The following PDE7B variants were observed in gnomAD, a reference collection of about 807,000 sequenced individuals.
PDE7B encodes the protein 3',5'-cyclic-AMP phosphodiesterase 7B.
PDE7B carries 29 observed loss-of-function variants against 56.2 expected under a neutral mutation model. The observed-to-expected ratio is 0.52, with a 90% CI of 0.38 to 0.70. The LOEUF (loss-of-function observed/expected upper bound fraction) is 0.70. PDE7B is among the 30% of genes least tolerant of loss of function. The pLI is 0.00. For missense variants in PDE7B, 490 were observed against 565.0 expected (o/e 0.87, Z 1.35); for synonymous variants, 197 against 196.9 (o/e 1.00, Z 0.00).
At chr6:136,115,543 A>G (rs1196362347) in intron 3 of PDE7B, among the ~76,000 whole-genome samples, 1 of 152,228 alleles carries the variant, frequency 6.6e-6, no homozygotes, top group Non-Finnish European at 1.5e-5. Context: ...ATGTCTGAGA[A>G]AAAACATATT....
At chr6:136,070,027 G>A (rs1177808557) in intron 2 of PDE7B, among the ~76,000 whole-genome samples, 1 of 151,768 alleles carries the variant, frequency 6.6e-6, no homozygotes, top group Non-Finnish European at 1.5e-5. Context: ...ATTCCCCCAA[G>A]AGTCAACTCT....
Position 136,140,286 on chromosome 6 carries a change from C to A in PDE7B, c.167-7065C>A, listed in dbSNP as rs574778986. On this transcript the variant is annotated intron_variant, in intron 3 of 12. Transcript: ENST00000308191. ...GTCAAAGACCAGAGAGTTGTAGATA[C>A]GCAGCATTATTTCTGAGGGCTCTGT... is the stretch of plus-strand genomic sequence containing the variant. Among the ~76,000 whole-genome samples the A allele has an allele frequency of 2.0e-5, 3 of 151,872 alleles. No individual in the cohort carries two copies. In the South Asian group the frequency reaches 6.2e-4, roughly 32 times the overall value.
At chr6:135,968,389 A>T (rs1711752956) in intron 2 of PDE7B, among the ~76,000 whole-genome samples, 1 of 152,142 alleles carries the variant, frequency 6.6e-6, no homozygotes, top group South Asian at 2.1e-4. Context: ...ATGAGAGAAA[A>T]TTTTTGCAAT....
chr6:135,923,508 T>C (rs1207754887), intron 1 of PDE7B, among the ~76,000 whole-genome samples: 1 of 152,144 alleles, frequency 6.6e-6, no homozygotes, highest in Non-Finnish European at 1.5e-5. Flanking sequence ...GGGAAACTGA[T>C]GGGTCATTCA....
Position 135,851,783 on chromosome 6 carries a change from T to G in PDE7B, c.-216T>G. The G allele has an allele frequency of 1.8e-5, 9 of 509,918 alleles. No individual in the cohort carries two copies. The highest frequency in any genetic ancestry group is 6.1e-5 in the South Asian group (2 of 33,002). The allele number at this position is 509,918 out of a possible 1,614,324, so 31.6% of individuals were successfully genotyped here. On this transcript the variant is annotated 5_prime_UTR_variant, in exon 1 of 13. Transcript: ENST00000308191. The stretch of plus-strand genomic sequence containing the variant: ...AGTGGTGTTACTCACCCAGGGAGAG[T>G]CTCTCTTTCTACCTTCCTTCTTTCT...
intron 2 of PDE7B, among the ~76,000 whole-genome samples, chr6:135,976,017 C>T (rs1775180060): frequency 6.6e-6 from 1 of 152,144 alleles, no homozygotes; most frequent in Admixed American, 6.5e-5. Flanking sequence ...AGTCTAGCCT[C>T]AGGGAACCCA....
chr6:136,083,787 C>T (rs1206193507), intron 2 of PDE7B, among the ~76,000 whole-genome samples: 4 of 152,136 alleles, frequency 2.6e-5, no homozygotes, highest in Non-Finnish European at 5.9e-5. Flanking sequence ...TTTGGGGCCT[C>T]CTCTCTCTGC....
At chr6:135,904,984 G>C (rs1442698050) in intron 1 of PDE7B, among the ~76,000 whole-genome samples, 1 of 152,118 alleles carries the variant, frequency 6.6e-6, no homozygotes, top group African/African-American at 2.4e-5. Flanking sequence ...CAGTTGCACA[G>C]GGTCCCATAC....
At chr6:136,172,626 C>T (rs1234534921) in intron 8 of PDE7B, among the ~76,000 whole-genome samples, 6 of 151,916 alleles carry the variant, frequency 3.9e-5, no homozygotes, top group Non-Finnish European at 5.9e-5. Context: ...TGTGCAGAAG[C>T]TCTTTAGTTT....
intron 3 of PDE7B, among the ~76,000 whole-genome samples, chr6:136,135,999 T>G (rs1455613531): frequency 1.3e-5 from 2 of 152,092 alleles, no homozygotes; most frequent in Non-Finnish European, 2.9e-5. Context: ...AAAATTATTT[T>G]TACAGGGCAA....
At chr6:136,146,731 C>T (rs1778418559) in intron 3 of PDE7B, among the ~76,000 whole-genome samples, 1 of 152,182 alleles carries the variant, frequency 6.6e-6, no homozygotes, top group African/African-American at 2.4e-5. Context: ...AATAACTGCT[C>T]ATTTCAAATG....
At chr6:136,141,474 G>A (rs1387783934) in intron 3 of PDE7B, among the ~76,000 whole-genome samples, 2 of 152,166 alleles carry the variant, frequency 1.3e-5, no homozygotes. Context: ...GATGATGCTG[G>A]CCTCATAAAA....
At chr6:135,853,693 G>C (rs1774975725) in intron 1 of PDE7B, among the ~76,000 whole-genome samples, 1 of 151,946 alleles carries the variant, frequency 6.6e-6, no homozygotes, top group Admixed American at 6.6e-5. Context: ...CAAAATCAGT[G>C]GTGACTATAT....
At chr6:136,098,132 C>CCG (rs1777498363) in intron 2 of PDE7B, 1 of 33,996 alleles carries the variant, frequency 2.9e-5, no homozygotes, top group South Asian at 1.8e-3. Context: ...TCTTTAGTTC[C>CCG]TGGGGGGGGG....
At chr6:136,178,687 T>A (rs780913059) in intron 9 of PDE7B, among the ~76,000 whole-genome samples, 2 of 152,240 alleles carry the variant, frequency 1.3e-5, no homozygotes, top group Non-Finnish European at 2.9e-5. Context: ...AAGTCTTTTG[T>A]GTCCTCCCTA....
chr6:136,005,740 C>G (rs1450733518), intron 2 of PDE7B, among the ~76,000 whole-genome samples: 2 of 152,142 alleles, frequency 1.3e-5, no homozygotes, highest in African/African-American at 4.8e-5. Context: ...AATAGGAACA[C>G]TTTTACACTG....
intron 1 of PDE7B, among the ~76,000 whole-genome samples, chr6:135,921,845 C>A (rs1467120563): frequency 6.6e-6 from 1 of 151,976 alleles, no homozygotes; most frequent in East Asian, 1.9e-4. Context: ...TCCCTTTCTA[C>A]TATAAAAAAA....
intron 3 of PDE7B, 133 bp downstream of exon 3, chr6:136,108,947 G>C (rs1344185268): frequency 4.5e-6 from 3 of 673,492 alleles, no homozygotes; most frequent in Non-Finnish European, 8.1e-6. Context: ...CTGCCAACTA[G>C]AACTTAACCC....
At chr6:136,070,895 T>C (rs955411796) in intron 2 of PDE7B, among the ~76,000 whole-genome samples, 4 of 152,128 alleles carry the variant, frequency 2.6e-5, no homozygotes, top group African/African-American at 7.2e-5. Context: ...AAATGAACAA[T>C]TGAAATTCCT....
Sources: allele counts gnomAD v4.1 joint callset (sites outside exome capture counted in the v4.1 genomes callset), GRCh38; gene constraint gnomAD v4.1.1; transcripts MANE v1.5; gene names NCBI Gene and HGNC (gene_info 2026-07-23, HGNC 2026-07-21).